The following EXTL1 variants were observed in gnomAD, a reference collection of about 807,000 sequenced individuals.
EXTL1 encodes exostosin-like 1.
Under a neutral mutation model 64.6 loss-of-function variants are expected in EXTL1, and 43 were observed. The ratio of observed to expected loss-of-function variants is 0.67; its 90% CI spans 0.52 to 0.86. EXTL1 has a LOEUF of 0.86. Ranked by LOEUF, EXTL1 falls within the 40% of genes least tolerant of loss-of-function variation. The pLI is 0.00. For synonymous variants in EXTL1, 352 were observed against 360.5 expected, an observed-to-expected ratio of 0.98 and a Z score of 0.27; for missense variants, 766 against 879.0, an observed-to-expected ratio of 0.87 and a Z score of 1.62.
Position 26,022,585 on chromosome 1 carries a change from TG to T in EXTL1, c.-61del, listed in dbSNP as rs2050162547. On this transcript the variant is annotated 5_prime_UTR_variant, in exon 1 of 11. Transcript: ENST00000374280. ...AGCTCTGGTCTCCCGCCCCAGGCCC[TG>T]CTCTTCCTGCTTGCTGGCAGAGGCC... is the stretch of plus-strand genomic sequence containing the variant. 2.2e-5 allele frequency: 32 copies of T among 1,428,516 alleles called. No homozygotes were observed. Among genetic ancestry groups the T allele is most frequent in the Non-Finnish European group, 2.7e-5 (28 of 1,047,988 alleles). The allele number at this position is 1,428,516 out of a possible 1,614,324, so 88.5% of individuals were successfully genotyped here. A position where few individuals can be genotyped will look rare whatever the true frequency, so the allele number is the denominator to read the frequency against.
Position 26,033,690 on chromosome 1 carries a change from C to A in EXTL1, c.1519-6C>A, listed in dbSNP as rs1439329411. 6.2e-7 allele frequency: 1 copy of A among 1,613,402 alleles called. No individual in the cohort carries two copies. The highest frequency in any genetic ancestry group is 1.7e-5 in the Admixed American group (1 of 59,958). On this transcript the variant is annotated splice_region_variant and splice_polypyrimidine_tract_variant and intron_variant, in intron 8 of 10. Coordinates refer to ENST00000374280, the MANE Select transcript of EXTL1 (RefSeq NM_004455.3). This position sits in a 1 kb window ranked among gnomAD's most constrained non-coding sequence, Gnocchi z 5.1. ...TTCCTCACAGCTCACTTGAGTCCCTCCCCAGGTGGACTTTGCCTTTCTGGT... is the reference window on the plus strand; with the variant it reads ...TTCCTCACAGCTCACTTGAGTCCCTACCCAGGTGGACTTTGCCTTTCTGGT...
chr1:26,028,592 T>C (rs1022786563), intron 1 of EXTL1, among the ~76,000 whole-genome samples: 7 of 151,844 alleles, frequency 4.6e-5, no homozygotes, highest in African/African-American at 1.7e-4. Context: ...AGCCTGAGTG[T>C]GGCCCTGGGC....
chr1:26,024,315 C>G (rs1004104412), intron 1 of EXTL1, among the ~76,000 whole-genome samples: 4 of 152,112 alleles, frequency 2.6e-5, no homozygotes, highest in African/African-American at 9.7e-5. Flanking sequence ...TCCAGGGCCC[C>G]GGTGGCAGAG....
chr1:26,029,929 C>G (rs567012124), intron 3 of EXTL1, among the ~76,000 whole-genome samples: 1 of 152,304 alleles, frequency 6.6e-6, no homozygotes, highest in South Asian at 2.1e-4. Context: ...CTCTTCCAGC[C>G]TCAGTTTTAT....
In EXTL1 at chr1:26,031,545, A is replaced by T; in HGVS notation, c.1320A>T (p.Ala440=). The change falls in exon 6 of 11, where the codon GCA becomes GCT. Residue 440 remains alanine (A), a synonymous_variant. Transcript: ENST00000374280. The part of the protein sequence containing the change: ...QPPLKLIQAV[A]GSQHCAQILV... ...CTCTGAAGCTCATCCAGGCGGTGGC[A>T]GGCTCCCAGCACTGTGCCCAGGTCT... 6.3e-7 allele frequency: 1 copy of T among 1,594,798 alleles called. No homozygotes were observed. Among genetic ancestry groups the T allele is most frequent in the Non-Finnish European group, 8.5e-7 (1 of 1,170,634 alleles).
At position 26,031,504 on chromosome 1, in the gene EXTL1, C is replaced by A. The variant is rs765459426; in HGVS notation, c.1279C>A (p.Pro427Thr). The change falls in exon 6 of 11, where the codon CCC becomes ACC. Residue 427 changes from proline to threonine, a missense_variant. By Grantham distance (38) the Pro-to-Thr change is conservative. Transcript: ENST00000374280. ...GRFSALIWVG[P>T]PGQPPLKLIQ... ...ATTCAGCGCCCTGATCTGGGTGGGG[C>A]CCCCAGGCCAGCCCCCTCTGAAGCT... The A allele has an allele frequency of 1.0e-5, 16 of 1,599,386 alleles. No homozygotes were observed. The highest frequency in any genetic ancestry group is 1.4e-5 in the Non-Finnish European group (16 of 1,173,046).
chr1:26,023,375 C>T lies in EXTL1; in HGVS notation c.729C>T (p.Ser243=), dbSNP rs770728828. The change falls in exon 1 of 11, where the codon TCC becomes TCT. Residue 243 remains serine (S), a synonymous_variant. Coordinates refer to ENST00000374280, the MANE Select transcript of EXTL1 (RefSeq NM_004455.3). ...RGGWRTADTG[S]SACPWDGRCE... is the part of the protein sequence containing the mutation. ...GGTGGCGCACAGCAGACACTGGCTC[C>T]TCTGCCTGCCCCTGGGATGGGCGCT... 1.4e-6 allele frequency: 2 copies of T among 1,463,348 alleles called. No homozygotes were observed. Among genetic ancestry groups the T allele is most frequent in the African/African-American group, 1.4e-5 (1 of 70,320 alleles). The allele number at this position is 1,463,348 out of a possible 1,614,324, so 90.6% of individuals were successfully genotyped here.
chr1:26,032,562 G>C, intron 7 of EXTL1, 77 bp downstream of exon 7: 8 of 1,121,226 alleles, frequency 7.1e-6, no homozygotes, highest in Non-Finnish European at 1.0e-5. Context: ...GGTGTTTTAT[G>C]AATACTTGGG....
chr1:26,023,596 C>T (rs907878323), intron 1 of EXTL1, among the ~76,000 whole-genome samples, 171 bp downstream of exon 1: 5 of 152,148 alleles, frequency 3.3e-5, no homozygotes, highest in Admixed American at 2.0e-4. Context: ...GAGAGCACTT[C>T]CATTAAGATG....
rs1358989320 is a variant in EXTL1, at chr1:26,033,258, C to A, written c.1461C>A (p.Thr487=). 1 of 1,614,034 alleles carries A rather than the reference C, an allele frequency of 6.2e-7. No homozygotes were observed. The highest frequency in any genetic ancestry group is 8.5e-7 in the Non-Finnish European group (1 of 1,179,926). The change falls in exon 8 of 11, where the codon ACC becomes ACA. Residue 487 remains threonine (T), a synonymous_variant. Coordinates refer to ENST00000374280, the MANE Select transcript of EXTL1 (RefSeq NM_004455.3). This position sits in a 1 kb window ranked among gnomAD's most constrained non-coding sequence, Gnocchi z 5.1. ...KVSDRFYPYS[T]IRTDAILSLD... The stretch of plus-strand genomic sequence containing the variant: ...GTGATCGCTTCTACCCATATAGCAC[C>A]ATCAGAACAGATGCCATCCTCAGCC...
At position 26,031,199 on chromosome 1, in the gene EXTL1, C is replaced by T. The variant is rs754911444; in HGVS notation, c.1169C>T (p.Ala390Val). 1.2e-6 allele frequency: 2 copies of T among 1,613,944 alleles called. No individual in the cohort carries two copies. Among genetic ancestry groups the T allele is most frequent in the South Asian group, 1.1e-5 (1 of 91,084 alleles). The part of the protein sequence containing the change: ...PSLLWNSPPG[A>V]LLALSTFSTS... The stretch of plus-strand genomic sequence containing the variant: ...CTGCTGTGGAACAGCCCCCCAGGGG[C>T]ACTCCTGGCCCTGTCTACTTTTTCC... Residue 390 changes from alanine to valine, a missense_variant, in exon 5 of 11, where the codon GCA (alanine) becomes GTA (valine). Around this residue, in one of 3 missense-constraint regions of EXTL1, gnomAD observed 571 missense variants for 647.6 expected, o/e 0.88. Transcript: ENST00000374280.
At position 26,031,182 on chromosome 1, in the gene EXTL1, G is replaced by A; in HGVS notation, c.1152G>A (p.Trp384Ter). Reference protein sequence around the residue: ...FGTSAHPSLLWNSPPGALLAL... With the variant: ...FGTSAHPSLL ...CATCAGCTCACCCCTCACTGCTGTG[G>A]AACAGCCCCCCAGGGGCACTCCTGG... The change falls in exon 5 of 11, where the codon TGG becomes TGA. Residue 384 changes from tryptophan to a stop codon, truncating the protein, a stop_gained. Transcript: ENST00000374280. LOFTEE classifies it high-confidence loss of function. The A allele has an allele frequency of 6.2e-7, 1 of 1,613,994 alleles. No homozygotes were observed. Among genetic ancestry groups the A allele is most frequent in the Non-Finnish European group, 8.5e-7 (1 of 1,179,956 alleles).
At chr1:26,030,734 G>A in intron 4 of EXTL1, 139 bp downstream of exon 4, 1 of 1,006,492 alleles carries the variant, frequency 9.9e-7, no homozygotes. Flanking sequence ...TCTGAGACTT[G>A]GCTGTGAGAT....
At chr1:26,024,722 A>C (rs2050196338) in intron 1 of EXTL1, among the ~76,000 whole-genome samples, 1 of 152,174 alleles carries the variant, frequency 6.6e-6, no homozygotes, top group Non-Finnish European at 1.5e-5. Context: ...CTCAGGCAGA[A>C]GCTCACTTTG....
In EXTL1 at chr1:26,031,273, T is replaced by C. The variant is rs1557554200; in HGVS notation, c.1234+9T>C. 12 of 1,612,570 alleles carry C rather than the reference T, an allele frequency of 7.4e-6. No homozygotes were observed. The highest frequency in any genetic ancestry group is 9.3e-6 in the Non-Finnish European group (11 of 1,179,358). Reference sequence around the variant, plus strand: ...CTACTACCTGCAACAGGGTATGCCCTGGGGATGGGACAACCTGAAGTCCCC... The same window carrying C: ...CTACTACCTGCAACAGGGTATGCCCCGGGGATGGGACAACCTGAAGTCCCC... On this transcript the variant is annotated intron_variant, in intron 5 of 10. Transcript: ENST00000374280.
chr1:26,031,027 C>T (rs2050279279), intron 4 of EXTL1, 105 bp from the exon 5 acceptor site: 2 of 1,432,458 alleles, frequency 1.4e-6, no homozygotes, highest in African/African-American at 1.4e-5. Flanking sequence ...CTTCTGACCC[C>T]AGGGGTCTGG....
At position 26,033,858 on chromosome 1, in the gene EXTL1, T is replaced by C. The variant is rs758983691; in HGVS notation, c.1679+2T>C. 1 of 1,611,964 alleles carries C rather than the reference T, an allele frequency of 6.2e-7. No individual in the cohort carries two copies. The highest frequency in any genetic ancestry group is 1.1e-5 in the South Asian group (1 of 90,872). ...CACCACAGCCGCCTTCTACCATAGG[T>C]ACAGACCCCTACCCTGCACAGGGAT... On this transcript the variant is annotated splice_donor_variant, in intron 9 of 10. Coordinates refer to ENST00000374280, the MANE Select transcript of EXTL1 (RefSeq NM_004455.3). LOFTEE classifies it high-confidence loss of function. This position sits in a 1 kb window ranked among gnomAD's most constrained non-coding sequence, Gnocchi z 5.1.
At chr1:26,029,076 T>C (rs2050249568) in intron 1 of EXTL1, 117 bp from the exon 2 acceptor site, 2 of 660,538 alleles carry the variant, frequency 3.0e-6, no homozygotes, top group Non-Finnish European at 5.5e-6. Flanking sequence ...GGTTTACACA[T>C]TTGGGAGTGT....
chr1:26,033,574 C>A lies in EXTL1; in HGVS notation c.1519-122C>A. On this transcript the variant is annotated intron_variant, in intron 8 of 10. Transcript: ENST00000374280. This position sits in a 1 kb window ranked among gnomAD's most constrained non-coding sequence, Gnocchi z 5.1. Reference sequence around the variant, plus strand: ...TCCAGCCAATTCCAAGTCTTGGCTCCCGCGCCCTCTCCCCTGAGTCCTGCC... The same window carrying A: ...TCCAGCCAATTCCAAGTCTTGGCTCACGCGCCCTCTCCCCTGAGTCCTGCC... 3.0e-6 allele frequency: 3 copies of A among 1,006,908 alleles called. No individual in the cohort carries two copies. Among genetic ancestry groups the A allele is most frequent in the Non-Finnish European group, 4.5e-6 (3 of 665,098 alleles). The allele number at this position is 1,006,908 out of a possible 1,614,324, so 62.4% of individuals were successfully genotyped here.
Sources: allele counts gnomAD v4.1 joint callset (sites outside exome capture counted in the v4.1 genomes callset), GRCh38; gene constraint gnomAD v4.1.1; regional missense constraint gnomAD v4.1.1; non-coding constraint Gnocchi (gnomAD v3.1); transcripts MANE v1.5; gene names NCBI Gene and HGNC (gene_info 2026-07-23, HGNC 2026-07-21).